The following SLC25A48 variants were observed in gnomAD, a reference collection of about 807,000 sequenced individuals.
SLC25A48 encodes the protein solute carrier family 25 member 48, also known as CTC-321K16.1.
A neutral mutation model predicts 32.2 loss-of-function variants in SLC25A48; 29 were observed. The ratio of observed to expected loss-of-function variants is 0.90; its 90% CI spans 0.67 to 1.23. The LOEUF (loss-of-function observed/expected upper bound fraction) is 1.23. Ranked by LOEUF, SLC25A48 falls within the 50% of genes most tolerant of loss-of-function variation. The pLI, the probability that SLC25A48 is intolerant of heterozygous loss-of-function variation, is 0.00. For synonymous variants in SLC25A48, 164 were observed against 172.3 expected (o/e 0.95, Z 0.38); for missense variants, 399 against 422.7 (o/e 0.94, Z 0.49).
intron 3 of SLC25A48, among the ~76,000 whole-genome samples, chr5:135,644,350 C>T (rs544341015): frequency 2.6e-5 from 4 of 152,080 alleles, no homozygotes; most frequent in Admixed American, 6.5e-5. Context: ...TGACTTTTAC[C>T]GTCTGACACA....
chr5:135,837,943 G>A (rs552549900), intron 1 of SLC25A48, among the ~76,000 whole-genome samples: 1 of 152,178 alleles, frequency 6.6e-6, no homozygotes, highest in East Asian at 1.9e-4. Flanking sequence ...TTTGGAACTG[G>A]GTAACAGGCA....
chr5:135,614,782 C>A (rs955029370), intron 1 of SLC25A48, among the ~76,000 whole-genome samples: 2 of 152,114 alleles, frequency 1.3e-5, no homozygotes, highest in Non-Finnish European at 2.9e-5. Context: ...TTGCCCAAAT[C>A]TCATGTCAAA....
intron 3 of SLC25A48, among the ~76,000 whole-genome samples, chr5:135,745,688 G>A (rs1755621424): frequency 6.6e-6 from 1 of 152,168 alleles, no homozygotes. Flanking sequence ...TTAGTTGCTA[G>A]CTCACGTGTT....
At chr5:135,812,878 G>A (rs1270875163) in exon 4 of SLC25A48, 1 of 152,296 alleles carries the variant, frequency 6.6e-6, no homozygotes, top group African/African-American at 2.4e-5. Flanking sequence ...TGTCAAGAGT[G>A]AATGAAGTGA....
At chr5:135,644,562 C>G (rs1368213422) in intron 3 of SLC25A48, among the ~76,000 whole-genome samples, 1 of 152,062 alleles carries the variant, frequency 6.6e-6, no homozygotes, top group African/African-American at 2.4e-5. Context: ...GCTTTATATT[C>G]ATTATCATTA....
At chr5:135,638,122 T>C (rs1362886580) in intron 3 of SLC25A48, among the ~76,000 whole-genome samples, 1 of 152,234 alleles carries the variant, frequency 6.6e-6, no homozygotes, top group Non-Finnish European at 1.5e-5. Context: ...GCTGCAATTG[T>C]GTTTTGAAGC....
chr5:135,669,304 G>A (rs1450564809), intron 3 of SLC25A48, among the ~76,000 whole-genome samples: 1 of 152,112 alleles, frequency 6.6e-6, no homozygotes, highest in East Asian at 1.9e-4. Flanking sequence ...GCCTGGAGGT[G>A]GGAAAGGACA....
chr5:135,851,121 TG>T (rs1044093348), intron 3 of SLC25A48, among the ~76,000 whole-genome samples: 3 of 152,222 alleles, frequency 2.0e-5, no homozygotes, highest in African/African-American at 4.8e-5. Context: ...GGTGGAACCC[TG>T]TCGCAGCCCT....
upstream of SLC25A48, chr5:135,834,651 C>A: frequency 1.7e-6 from 1 of 593,570 alleles, no homozygotes. Context: ...GTGATGTCAG[C>A]CGCCCTCCGG....
intron 2 of SLC25A48, 63 bp downstream of exon 2, chr5:135,842,522 A>G: frequency 6.8e-7 from 1 of 1,475,006 alleles, no homozygotes; most frequent in South Asian, 1.1e-5. Flanking sequence ...TGCCTCTGGG[A>G]CTATTCCTGC....
At chr5:135,657,261 C>G (rs1753273263) in intron 3 of SLC25A48, among the ~76,000 whole-genome samples, 1 of 152,184 alleles carries the variant, frequency 6.6e-6, no homozygotes, top group Non-Finnish European at 1.5e-5. Flanking sequence ...GAGCCAACAT[C>G]CAAATACACA....
At chr5:135,843,616 G>C (rs536437707) in intron 2 of SLC25A48, among the ~76,000 whole-genome samples, 1 of 152,306 alleles carries the variant, frequency 6.6e-6, no homozygotes, top group South Asian at 2.1e-4. Flanking sequence ...GTCAGGGATG[G>C]CCTCTCTGCC....
intron 2 of SLC25A48, among the ~76,000 whole-genome samples, chr5:135,630,075 C>G (rs1320355147): frequency 6.6e-6 from 1 of 152,160 alleles, no homozygotes; most frequent in Non-Finnish European, 1.5e-5. Context: ...TTACCCGCAG[C>G]TTAGGAAGGG....
intron 2 of SLC25A48, among the ~76,000 whole-genome samples, chr5:135,631,128 C>G (rs1038978449): frequency 6.6e-6 from 1 of 152,142 alleles, no homozygotes; most frequent in African/African-American, 2.4e-5. Context: ...GAGAAATAGA[C>G]AGTTTTGTGG....
chr5:135,630,905 G>GA (rs1363338208), intron 2 of SLC25A48, among the ~76,000 whole-genome samples: 1 of 152,022 alleles, frequency 6.6e-6, no homozygotes, highest in Non-Finnish European at 1.5e-5. Context: ...CCTGGCCTTA[G>GA]GCTTAGCAGT....
intron 1 of SLC25A48, among the ~76,000 whole-genome samples, chr5:135,593,574 C>T (rs1751576397): frequency 6.6e-6 from 1 of 152,160 alleles, no homozygotes; most frequent in East Asian, 1.9e-4. Flanking sequence ...GACAAAGTTC[C>T]AAGGGCTTCT....
intron 3 of SLC25A48, among the ~76,000 whole-genome samples, chr5:135,728,944 C>G (rs1755161889): frequency 6.6e-6 from 1 of 152,034 alleles, no homozygotes; most frequent in South Asian, 2.1e-4. Context: ...TCCACATTCT[C>G]TAAACTCTCT....
At chr5:135,598,615 G>A (rs1479968276) in intron 1 of SLC25A48, among the ~76,000 whole-genome samples, 2 of 152,196 alleles carry the variant, frequency 1.3e-5, no homozygotes, top group African/African-American at 4.8e-5. Flanking sequence ...AGTGAGGTAG[G>A]AATTTATGCT....
chr5:135,771,105 C>T (rs573933632), intron 3 of SLC25A48, among the ~76,000 whole-genome samples: 4 of 151,468 alleles, frequency 2.6e-5, no homozygotes, highest in African/African-American at 7.3e-5. Context: ...TGGGGGTGTA[C>T]ACCCCCCCGG....
Sources: allele counts gnomAD v4.1 joint callset (sites outside exome capture counted in the v4.1 genomes callset), GRCh38; gene constraint gnomAD v4.1.1; transcripts MANE v1.5; gene names NCBI Gene and HGNC (gene_info 2026-07-23, HGNC 2026-07-21).